Variants in SCHIP1 observed in about 807,000 individuals in gnomAD.
The protein encoded by SCHIP1 is schwannomin-interacting protein 1.
SCHIP1 carries 8 observed loss-of-function variants against 29.7 expected under a neutral mutation model. That is an observed-to-expected ratio of 0.27 (90% CI 0.16 to 0.49). SCHIP1 has a LOEUF of 0.49. Among genes scored for constraint, SCHIP1 ranks in the 20% least tolerant of loss-of-function variants. The probability of loss-of-function intolerance (pLI) is 0.99; values close to 1 mark genes in which losing one functional copy is unlikely to be tolerated. For synonymous variants in SCHIP1, 76 were observed against 94.9 expected (o/e 0.80, Z 1.16); for missense variants, 193 against 294.6 (o/e 0.66, Z 2.52).
chr3:159,641,783 A>C, the SCHIP1 span, among the ~76,000 whole-genome samples: 4 of 152,174 alleles, frequency 2.6e-5, no homozygotes, highest in African/African-American at 9.6e-5. Context: ...AACACAAACA[A>C]ATGGTAGTCT....
the SCHIP1 span, among the ~76,000 whole-genome samples, chr3:159,421,332 T>G: frequency 2.0e-5 from 3 of 152,186 alleles, no homozygotes; most frequent in South Asian, 2.1e-4. Context: ...TGCCTGAACT[T>G]TACAAACTTC....
the SCHIP1 span, among the ~76,000 whole-genome samples, chr3:159,450,807 CTTT>C: frequency 3.8e-4 from 47 of 123,030 alleles, no homozygotes; most frequent in East Asian, 7.1e-4. Flanking sequence ...ATTTAGTATT[CTTT>C]TTTTTTTTTT....
the SCHIP1 span, among the ~76,000 whole-genome samples, chr3:159,430,272 T>C: frequency 4.6e-5 from 7 of 152,314 alleles, no homozygotes; most frequent in East Asian, 1.3e-3. Flanking sequence ...TGGTTTATTA[T>C]TTTCTAATGG....
the SCHIP1 span, among the ~76,000 whole-genome samples, chr3:159,374,800 A>G: frequency 6.6e-6 from 1 of 152,278 alleles, no homozygotes; most frequent in African/African-American, 2.4e-5. Flanking sequence ...AGATCTGTGG[A>G]CTAAAGTAAT....
At chr3:159,319,955 G>A in the SCHIP1 span, among the ~76,000 whole-genome samples, 1 of 152,098 alleles carries the variant, frequency 6.6e-6, no homozygotes, top group African/African-American at 2.4e-5. Context: ...TTGGTGCTAT[G>A]CTCAAAACCT....
the SCHIP1 span, among the ~76,000 whole-genome samples, chr3:159,731,466 G>A: frequency 2.0e-5 from 3 of 152,322 alleles, no homozygotes; most frequent in South Asian, 2.1e-4. Context: ...AGACGAGGCC[G>A]GTAGAGGGCC....
the SCHIP1 span, among the ~76,000 whole-genome samples, chr3:159,519,797 G>A: frequency 6.6e-6 from 1 of 151,662 alleles, no homozygotes; most frequent in African/African-American, 2.4e-5. Flanking sequence ...TTAGGAGGAG[G>A]GTAGTGGATA....
At chr3:159,501,108 G>A in the SCHIP1 span, among the ~76,000 whole-genome samples, 51 of 152,296 alleles carry the variant, frequency 3.3e-4, no homozygotes, top group African/African-American at 1.2e-3. Context: ...CTAGGGCTAG[G>A]ACAAAGTGAT....
the SCHIP1 span, among the ~76,000 whole-genome samples, chr3:159,617,855 AC>A: frequency 1.3e-5 from 2 of 152,178 alleles, no homozygotes; most frequent in African/African-American, 4.8e-5. Flanking sequence ...ATTTCAATGA[AC>A]ATTTAGCGGG....
chr3:159,702,553 T>C, the SCHIP1 span, among the ~76,000 whole-genome samples: 2 of 152,222 alleles, frequency 1.3e-5, no homozygotes, highest in South Asian at 4.1e-4. Context: ...CCTAATCTTC[T>C]CCTGACAATA....
At chr3:159,865,522 C>T (rs974909285) in intron 1 of SCHIP1, among the ~76,000 whole-genome samples, 14 of 152,142 alleles carry the variant, frequency 9.2e-5, no homozygotes, top group Non-Finnish European at 1.6e-4. Flanking sequence ...CCAGCTATTC[C>T]GGACATTATT....
chr3:159,720,803 G>A, the SCHIP1 span, among the ~76,000 whole-genome samples: 4 of 152,044 alleles, frequency 2.6e-5, no homozygotes, highest in East Asian at 7.7e-4. Context: ...CAGACTGGTT[G>A]CAAACTCCTG....
At chr3:159,493,421 T>C in the SCHIP1 span, among the ~76,000 whole-genome samples, 1,245 of 151,710 alleles carry the variant, frequency 8.2e-3, 15 homozygotes, top group African/African-American at 0.028. Flanking sequence ...ACCAGGCAAA[T>C]GGAAAACAAA....
chr3:159,740,683 G>A, the SCHIP1 span, among the ~76,000 whole-genome samples: 1 of 144,466 alleles, frequency 6.9e-6, no homozygotes, highest in African/African-American at 2.6e-5. Context: ...TTCATCTCTG[G>A]GCCACAGGTA....
the SCHIP1 span, among the ~76,000 whole-genome samples, chr3:159,609,300 T>C: frequency 4.6e-5 from 7 of 152,012 alleles, no homozygotes; most frequent in Non-Finnish European, 7.4e-5. Flanking sequence ...AGCAAGCAGG[T>C]TGTATATTTG....
chr3:159,331,437 A>G, the SCHIP1 span, among the ~76,000 whole-genome samples: 1 of 152,202 alleles, frequency 6.6e-6, no homozygotes, highest in Non-Finnish European at 1.5e-5. Context: ...GGTGAGGCCA[A>G]AGGGATATAG....
At chr3:159,384,002 T>A in the SCHIP1 span, among the ~76,000 whole-genome samples, 3 of 151,354 alleles carry the variant, frequency 2.0e-5, no homozygotes, top group Non-Finnish European at 2.9e-5. Flanking sequence ...CTTAAGGAGA[T>A]TTTGGGCTGA....
At chr3:159,507,129 C>T in the SCHIP1 span, among the ~76,000 whole-genome samples, 1 of 152,086 alleles carries the variant, frequency 6.6e-6, no homozygotes, top group African/African-American at 2.4e-5. Context: ...TGTTTGTATC[C>T]TCTTTTATTT....
chr3:159,448,120 C>T, the SCHIP1 span, among the ~76,000 whole-genome samples: 3 of 152,182 alleles, frequency 2.0e-5, no homozygotes, highest in Admixed American at 1.3e-4. Flanking sequence ...TCTTCCTTGA[C>T]CACCTGATGA....
Sources: allele counts gnomAD v4.1 joint callset (sites outside exome capture counted in the v4.1 genomes callset), GRCh38; gene constraint gnomAD v4.1.1; transcripts MANE v1.5; gene names NCBI Gene and HGNC (gene_info 2026-07-23, HGNC 2026-07-21).